SLC14A2: variants seen among roughly 807,000 people sequenced by gnomAD.
SLC14A2 encodes solute carrier family 14 member 2, also known as urea transporter 2.
In SLC14A2, 91 loss-of-function variants were observed where a neutral mutation model predicts 104.6. The observed-to-expected ratio is 0.87, with a 90% confidence interval of 0.73 to 1.04. SLC14A2 has a LOEUF of 1.04. Among genes scored for constraint, SLC14A2 ranks in the 50% least tolerant of loss-of-function variants. The pLI, the probability that SLC14A2 is intolerant of heterozygous loss-of-function variation, is 0.00. For missense variants in SLC14A2, 1,189 were observed against 1,156.0 expected, an observed-to-expected ratio of 1.03 and a Z score of -0.41; for synonymous variants, 476 against 466.4, an observed-to-expected ratio of 1.02 and a Z score of -0.27.
intron 1 of SLC14A2, among the ~76,000 whole-genome samples, chr18:45,470,896 A>C (rs963315844): frequency 6.6e-6 from 1 of 152,070 alleles, no homozygotes. Context: ...CATTCCCTTC[A>C]ACTTCTGAAT....
intron 2 of SLC14A2, among the ~76,000 whole-genome samples, chr18:45,508,475 G>A (rs1231511290): frequency 6.6e-6 from 1 of 152,194 alleles, no homozygotes; most frequent in Admixed American, 6.5e-5. Context: ...TGTGACATGT[G>A]CCTTTCACCT....
chr18:45,169,782 C>T, the SLC14A2 span, among the ~76,000 whole-genome samples: 1 of 152,140 alleles, frequency 6.6e-6, no homozygotes, highest in Admixed American at 6.6e-5. Context: ...AAGCCTTAGT[C>T]ATATTATCTA....
intron 1 of SLC14A2, among the ~76,000 whole-genome samples, chr18:45,378,919 C>T (rs1174325430): frequency 3.3e-5 from 5 of 152,110 alleles, no homozygotes; most frequent in African/African-American, 1.2e-4. Context: ...TCGCTCAATG[C>T]ATTTTGATCA....
chr18:45,464,547 C>T (rs1051586113), intron 1 of SLC14A2, among the ~76,000 whole-genome samples: 1 of 152,114 alleles, frequency 6.6e-6, no homozygotes, highest in African/African-American at 2.4e-5. Context: ...GAAATAAAGC[C>T]CGGCATGAGT....
chr18:45,384,289 G>C (rs1006773273), intron 1 of SLC14A2, among the ~76,000 whole-genome samples: 1 of 152,162 alleles, frequency 6.6e-6, no homozygotes, highest in Non-Finnish European at 1.5e-5. Context: ...CCCGCAGTTG[G>C]TGATTTCACC....
chr18:45,391,484 C>T (rs954839081), intron 1 of SLC14A2, among the ~76,000 whole-genome samples: 2 of 152,132 alleles, frequency 1.3e-5, no homozygotes, highest in South Asian at 2.1e-4. Flanking sequence ...AGTTCTAGAT[C>T]CCTGAGGAAT....
intron 1 of SLC14A2, among the ~76,000 whole-genome samples, chr18:45,262,840 G>C (rs2084553739): frequency 6.6e-6 from 1 of 152,198 alleles, no homozygotes; most frequent in Non-Finnish European, 1.5e-5. Context: ...AACAGTGACA[G>C]ACCCCTGAGA....
intron 1 of SLC14A2, among the ~76,000 whole-genome samples, chr18:45,257,539 G>A (rs1339218939): frequency 6.6e-6 from 1 of 152,172 alleles, no homozygotes; most frequent in Non-Finnish European, 1.5e-5. Flanking sequence ...CAAATAATGA[G>A]CTAGTAATTA....
At chr18:45,569,326 C>T (rs913700828) in intron 2 of SLC14A2, among the ~76,000 whole-genome samples, 10 of 152,220 alleles carry the variant, frequency 6.6e-5, no homozygotes, top group African/African-American at 1.7e-4. Context: ...AACTATCTCC[C>T]TATTTGAAAT....
At chr18:45,474,668 G>A (rs779142696) in intron 1 of SLC14A2, among the ~76,000 whole-genome samples, 1 of 152,238 alleles carries the variant, frequency 6.6e-6, no homozygotes, top group East Asian at 1.9e-4. Context: ...TTTGCATAGA[G>A]GTGTTTATAG....
chr18:45,246,853 T>TACAAAA lies in SLC14A2; in HGVS notation c.-125+33681_-125+33686dup, dbSNP rs377166841. Among the ~76,000 whole-genome samples, 443 of 152,152 alleles carry TACAAAA rather than the reference T, an allele frequency of 2.9e-3. 2 individuals carry two copies. Among genetic ancestry groups the TACAAAA allele is most frequent in the African/African-American group, 0.01 (420 of 41,508 alleles). ...AGTGAAACCCCGTCTCTACTAAAAA[T>TACAAAA]ACAAAAACAAAAACAAAAACAAAAC... On this transcript the variant is annotated intron_variant, in intron 1 of 20. Coordinates refer to the SLC14A2 transcript ENST00000586448.
At chr18:45,617,004 A>G (rs760998586) in intron 1 of SLC14A2, among the ~76,000 whole-genome samples, 1 of 152,176 alleles carries the variant, frequency 6.6e-6, no homozygotes, top group Non-Finnish European at 1.5e-5. Context: ...AGGCTGAGGC[A>G]GGAGAATTGC....
At chr18:45,502,362 G>A (rs2043211928) in intron 2 of SLC14A2, among the ~76,000 whole-genome samples, 1 of 152,202 alleles carries the variant, frequency 6.6e-6, no homozygotes, top group South Asian at 2.1e-4. Flanking sequence ...AGCTCCTCCA[G>A]GGCAGGGTCT....
chr18:45,527,415 T>C (rs1418675764), intron 2 of SLC14A2, among the ~76,000 whole-genome samples: 2 of 152,196 alleles, frequency 1.3e-5, no homozygotes, highest in South Asian at 2.1e-4. Flanking sequence ...ATGATGTTGA[T>C]GGTGTTAGAG....
intron 1 of SLC14A2, among the ~76,000 whole-genome samples, chr18:45,429,279 T>C (rs892946555): frequency 6.6e-6 from 1 of 152,252 alleles, no homozygotes; most frequent in Non-Finnish European, 1.5e-5. Flanking sequence ...AATACTGTTA[T>C]GTTTTTTAAG....
intron 1 of SLC14A2, among the ~76,000 whole-genome samples, chr18:45,616,872 C>T (rs1486222365): frequency 2.0e-5 from 3 of 152,104 alleles, no homozygotes; most frequent in African/African-American, 2.4e-5. Context: ...CCAAGGTGGG[C>T]GGATTGCCTG....
intron 1 of SLC14A2, among the ~76,000 whole-genome samples, chr18:45,220,157 A>C (rs1176016777): frequency 1.3e-5 from 2 of 152,210 alleles, no homozygotes; most frequent in Admixed American, 1.3e-4. Flanking sequence ...AGAGCTAGGA[A>C]GTACCCATTC....
At chr18:45,387,374 C>T (rs1472422148) in intron 1 of SLC14A2, among the ~76,000 whole-genome samples, 1 of 152,128 alleles carries the variant, frequency 6.6e-6, no homozygotes, top group South Asian at 2.1e-4. Context: ...GTAACCCTCC[C>T]ACATCACCAT....
At chr18:45,274,578 C>T (rs1413206391) in intron 1 of SLC14A2, among the ~76,000 whole-genome samples, 1 of 152,192 alleles carries the variant, frequency 6.6e-6, no homozygotes, top group African/African-American at 2.4e-5. Flanking sequence ...GAGTTACTCA[C>T]AGGGTAGGAA....
Sources: gnomAD v4.1 joint callset for allele counts (sites outside exome capture counted in the v4.1 genomes callset) on GRCh38, gnomAD v4.1.1 for gene constraint, MANE v1.5 for transcripts, NCBI Gene and HGNC (gene_info 2026-07-23, HGNC 2026-07-21) for gene names.